The following EZR variants were observed in gnomAD, a reference collection of about 807,000 sequenced individuals.
EZR encodes the protein ezrin.
A neutral mutation model predicts 74.8 loss-of-function variants in EZR; 40 were observed. That is an observed-to-expected ratio of 0.53 (90% CI 0.42 to 0.70). The LOEUF (loss-of-function observed/expected upper bound fraction) is 0.70, where lower values mean the gene tolerates loss of function less well. EZR is among the 30% of genes least tolerant of loss of function. EZR has a pLI of 0.00. For missense variants in EZR, 678 were observed against 755.8 expected (o/e 0.90, Z 1.21); for synonymous variants, 341 against 283.3 (o/e 1.20, Z -2.05).
intron 2 of EZR, among the ~76,000 whole-genome samples, chr6:158,812,170 CT>C (rs1777463615): frequency 6.6e-6 from 1 of 152,086 alleles, no homozygotes; most frequent in South Asian, 2.1e-4. Context: ...TTTTATGGCT[CT>C]TTTTCACAGA....
At position 158,814,364 on chromosome 6, in the gene EZR, T is replaced by C. The variant is rs375018005; in HGVS notation, c.12+3718A>G. On this transcript the variant is annotated intron_variant, in intron 2 of 13. Transcript: ENST00000367075. The stretch of plus-strand genomic sequence containing the variant: ...AATTTCCCCATCAGATGATTTTCCT[T>C]TCCCCATCAGATTTTCCTCTCGACG... Among the ~76,000 whole-genome samples, 751 of 116,972 alleles carry C rather than the reference T, an allele frequency of 6.4e-3. 3 individuals are homozygous for C. The highest frequency in any genetic ancestry group is 0.025 in the African/African-American group (693 of 28,000). 76.7% of individuals were successfully genotyped at this position (116,972 alleles called of 152,430 possible).
At chr6:158,787,858 G>A (rs775330749) in intron 3 of EZR, among the ~76,000 whole-genome samples, 2 of 152,170 alleles carry the variant, frequency 1.3e-5, no homozygotes, top group East Asian at 3.8e-4. Context: ...GTAGAATCCC[G>A]ACCCTAGGTC....
In EZR at chr6:158,776,256, T is replaced by C. The variant is rs548663960; in HGVS notation, c.795+152A>G. 1.3e-3 allele frequency: 868 copies of C among 685,274 alleles called. 12 individuals are homozygous for C. Among genetic ancestry groups the C allele is most frequent in the Middle Eastern group, 2.2e-3 (8 of 3,658 alleles). 42.4% of individuals were successfully genotyped at this position (685,274 alleles called of 1,614,324 possible). On this transcript the variant is annotated intron_variant, in intron 8 of 13. Transcript: ENST00000367075. ...AGTTAAGTGGTCTCCCCTGCAGCAA[T>C]TGCCTGGCCCACAGGATCTCTGGCC... is the stretch of plus-strand genomic sequence containing the variant.
chr6:158,771,127 T>C, intron 9 of EZR, 117 bp downstream of exon 9: 2 of 1,432,552 alleles, frequency 1.4e-6, no homozygotes, highest in South Asian at 2.7e-5. Context: ...GCGTGGTGAC[T>C]GGGTTCCATT....
intron 2 of EZR, among the ~76,000 whole-genome samples, chr6:158,817,634 C>T (rs1872611): frequency 0.52 from 79,291 of 151,992 alleles, 21,684 homozygotes; most frequent in Non-Finnish European, 0.61. Context: ...CCCAAACGCC[C>T]TTTAATATCT....
intron 7 of EZR, 129 bp from the exon 8 acceptor site, chr6:158,776,633 G>A: frequency 1.5e-6 from 1 of 673,890 alleles, no homozygotes; most frequent in Middle Eastern, 4.0e-4. Flanking sequence ...GAGGCACAAT[G>A]TGTTATATGC....
At chr6:158,818,687 G>A (rs1777621625) in intron 1 of EZR, among the ~76,000 whole-genome samples, 1 of 151,382 alleles carries the variant, frequency 6.6e-6, no homozygotes, top group Non-Finnish European at 1.5e-5. Context: ...GCGGGCCCAG[G>A]GATACCCGGC....
chr6:158,768,497 G>A (rs1790989513), intron 12 of EZR, among the ~76,000 whole-genome samples: 1 of 152,170 alleles, frequency 6.6e-6, no homozygotes, highest in South Asian at 2.1e-4. Flanking sequence ...CACGTCCCCA[G>A]AAGGCACCTC....
chr6:158,803,642 T>C lies in EZR; in HGVS notation c.13-14271A>G, dbSNP rs1337907420. Among the ~76,000 whole-genome samples, 26 of 56,432 alleles carry C rather than the reference T, an allele frequency of 4.6e-4. 1 individual carries two copies. The highest frequency in any genetic ancestry group is 5.7e-4 in the Admixed American group (3 of 5,232). The allele number at this position is 56,432 out of a possible 152,430, so 37.0% of individuals were successfully genotyped here. ...ATATATATACATATACATACATATA[T>C]ATATATATATACATATATATATATA... On this transcript the variant is annotated intron_variant, in intron 2 of 13. Coordinates refer to ENST00000367075, the MANE Select transcript of EZR (RefSeq NM_001111077.2).
In EZR at chr6:158,792,814, C is replaced by CAAAA. The variant is rs571823556; in HGVS notation, c.13-3447_13-3444dup. On this transcript the variant is annotated intron_variant, in intron 2 of 13. Coordinates refer to ENST00000367075, the MANE Select transcript of EZR (RefSeq NM_001111077.2). ...TGGGCAACAGGGCAAGACTCCATCT[C>CAAAA]AAAAAAAAAAAAAAGTAAGCTACTG... is the stretch of plus-strand genomic sequence containing the variant. Among the ~76,000 whole-genome samples, 524 of 131,244 alleles carry CAAAA rather than the reference C, an allele frequency of 4.0e-3. 5 individuals are homozygous for CAAAA. Among genetic ancestry groups the CAAAA allele is most frequent in the Middle Eastern group, 0.012 (3 of 252 alleles). The allele number at this position is 131,244 out of a possible 152,430, so 86.1% of individuals were successfully genotyped here. A position where few individuals can be genotyped will look rare whatever the true frequency, so the allele number is the denominator to read the frequency against.
At chr6:158,810,342 C>T (rs1429754075) in intron 2 of EZR, among the ~76,000 whole-genome samples, 2 of 152,200 alleles carry the variant, frequency 1.3e-5, no homozygotes, top group Non-Finnish European at 2.9e-5. Flanking sequence ...CCACATCCCT[C>T]CACACTTACC....
chr6:158,771,281 G>C lies in EZR; in HGVS notation c.922C>G (p.Gln308Glu). 6.2e-7 allele frequency: 1 copy of C among 1,614,154 alleles called. No individual in the cohort carries two copies. Among genetic ancestry groups the C allele is most frequent in the Non-Finnish European group, 8.5e-7 (1 of 1,180,004 alleles). Reference protein sequence around the residue: ...DTIEVQQMKAQAREEKHQKQL... With the variant: ...DTIEVQQMKAEAREEKHQKQL... ...TTCTGATGCTTCTCCTCCCGGGCCT[G>C]GGCCTTCATCTGCTGCACCTCGATG... The change falls in exon 9 of 14, where the codon CAG becomes GAG. Residue 308 changes from glutamine to glutamate, a missense_variant. Physicochemically the swap from Gln to Glu is conservative, Grantham distance 29. Around this residue, in one of 3 missense-constraint regions of EZR, gnomAD observed 119 missense variants for 182.3 expected, o/e 0.65. Transcript: ENST00000367075.
intron 12 of EZR, among the ~76,000 whole-genome samples, chr6:158,767,902 A>C (rs890177520): frequency 2.6e-5 from 4 of 151,934 alleles, no homozygotes; most frequent in African/African-American, 9.7e-5. Flanking sequence ...ACAGCTTCAC[A>C]CACACCCAGT....
chr6:158,783,915 G>C (rs1791496250), intron 6 of EZR, among the ~76,000 whole-genome samples: 2 of 152,178 alleles, frequency 1.3e-5, no homozygotes, highest in African/African-American at 2.4e-5. Flanking sequence ...CTTTGAAGAA[G>C]AACTGATTCA....
intron 1 of EZR, 88 bp from the exon 2 acceptor site, chr6:158,818,254 C>A (rs1777606693): frequency 8.9e-6 from 6 of 675,480 alleles, no homozygotes; most frequent in Non-Finnish European, 9.4e-6. Flanking sequence ...CAGCGCGCTG[C>A]CGCTTAAGAA....
intron 2 of EZR, among the ~76,000 whole-genome samples, chr6:158,802,972 A>G (rs1366683724): frequency 2.0e-5 from 3 of 152,134 alleles, no homozygotes; most frequent in Admixed American, 1.3e-4. Context: ...CTCATTTCCC[A>G]GAGAAGCCAG....
chr6:158,773,652 C>A (rs1434998651), intron 8 of EZR, among the ~76,000 whole-genome samples: 1 of 152,228 alleles, frequency 6.6e-6, no homozygotes, highest in Non-Finnish European at 1.5e-5. Flanking sequence ...AACTCTCCCA[C>A]AAGAGGCCAA....
intron 2 of EZR, among the ~76,000 whole-genome samples, chr6:158,803,542 T>C (rs767032484): frequency 1.7e-3 from 6 of 3,598 alleles, no homozygotes; most frequent in Non-Finnish European, 4.0e-3. Context: ...TATATATATA[T>C]ATGTATATAT....
At chr6:158,775,529 C>T (rs1791250927) in intron 8 of EZR, among the ~76,000 whole-genome samples, 2 of 152,150 alleles carry the variant, frequency 1.3e-5, no homozygotes, top group South Asian at 2.1e-4. Flanking sequence ...TGGACCACAG[C>T]CCATGTTTGC....
Sources: gnomAD v4.1 joint callset for allele counts (sites outside exome capture counted in the v4.1 genomes callset) on GRCh38, gnomAD v4.1.1 for gene constraint, gnomAD v4.1.1 regional missense constraint, MANE v1.5 for transcripts, NCBI Gene and HGNC (gene_info 2026-07-23, HGNC 2026-07-21) for gene names.